SPAST: variants seen among roughly 807,000 people sequenced by gnomAD.
The protein encoded by SPAST is spastin.
A neutral mutation model predicts 76.6 loss-of-function variants in SPAST; 30 were observed. The ratio of observed to expected loss-of-function variants is 0.39; its 90% confidence interval spans 0.29 to 0.53. The LOEUF (loss-of-function observed/expected upper bound fraction) is 0.53, where lower values mean the gene tolerates loss of function less well. Among genes scored for constraint, SPAST ranks in the 20% least tolerant of loss-of-function variants. The pLI is 0.68. For synonymous variants in SPAST, 305 were observed against 281.0 expected, an observed-to-expected ratio of 1.09 and a Z score of -0.86; for missense variants, 717 against 770.5, an observed-to-expected ratio of 0.93 and a Z score of 0.82.
chr2:32,116,927 A>G (rs1308088413), intron 7 of SPAST, among the ~76,000 whole-genome samples: 1 of 152,104 alleles, frequency 6.6e-6, no homozygotes, highest in Non-Finnish European at 1.5e-5. Flanking sequence ...AGATGGCACC[A>G]CTGCACTCCA....
chr2:32,150,090 A>T (rs1382824722), intron 16 of SPAST, among the ~76,000 whole-genome samples: 2 of 139,502 alleles, frequency 1.4e-5, no homozygotes, highest in African/African-American at 5.4e-5. Context: ...TTTTTGTGAG[A>T]TGGAGTCTTG....
chr2:32,069,170 G>A (rs538252296), intron 1 of SPAST, among the ~76,000 whole-genome samples: 7 of 134,482 alleles, frequency 5.2e-5, no homozygotes, highest in African/African-American at 2.0e-4. Context: ...CCAAGATCAC[G>A]CCACTGCACG....
At chr2:32,096,946 C>CT (rs1315388757) in intron 3 of SPAST, among the ~76,000 whole-genome samples, 1 of 151,538 alleles carries the variant, frequency 6.6e-6, no homozygotes, top group African/African-American at 2.4e-5. Flanking sequence ...CCATGCAGTA[C>CT]TTTGTGTTTT....
chr2:32,094,646 G>C (rs761366634), intron 3 of SPAST, among the ~76,000 whole-genome samples: 118 of 152,184 alleles, frequency 7.8e-4, no homozygotes, highest in Non-Finnish European at 1.3e-3. Context: ...AGCTTTTACC[G>C]CCTGTGAAAT....
At chr2:32,123,286 A>G (rs1164091410) in intron 7 of SPAST, among the ~76,000 whole-genome samples, 2 of 152,050 alleles carry the variant, frequency 1.3e-5, no homozygotes, top group East Asian at 3.9e-4. Flanking sequence ...AATACCTTTC[A>G]TATTAACACT....
At chr2:32,114,578 C>T (rs1321774120) in intron 4 of SPAST, 60 bp from the exon 5 acceptor site, 3 of 1,321,534 alleles carry the variant, frequency 2.3e-6, no homozygotes, top group Non-Finnish European at 3.3e-6. Flanking sequence ...CAAATGTTTG[C>T]TTGTCTTTAT....
chr2:32,083,776 A>ATATATATATATATATATATTT (rs1553398791), intron 1 of SPAST, among the ~76,000 whole-genome samples: 1 of 46,090 alleles, frequency 2.2e-5, no homozygotes, highest in Non-Finnish European at 3.7e-5. Flanking sequence ...ATATATATAT[A>ATATATATATATATATATATTT]TTTTTTTTTT....
intron 2 of SPAST, among the ~76,000 whole-genome samples, 157 bp downstream of exon 2, chr2:32,087,735 A>G (rs1206325984): frequency 2.0e-5 from 2 of 98,922 alleles, no homozygotes; most frequent in Non-Finnish European, 3.8e-5. Context: ...TTCCTCTGTT[A>G]CCCAGGCTGG....
chr2:32,140,931 T>TTTGTTGTTG lies in SPAST; in HGVS notation c.1494-967_1494-959dup, dbSNP rs1374819622. ...TGTTTGCTCTTTTTTGGGGGCAGGT[T>TTTGTTGTTG]TTGTTGTTGTTGTTTTTTTTTTTTT... On this transcript the variant is annotated intron_variant, in intron 12 of 16. Coordinates refer to ENST00000315285, the MANE Select transcript of SPAST (RefSeq NM_014946.4). Among the ~76,000 whole-genome samples, 17 of 125,262 alleles carry TTTGTTGTTG rather than the reference T, an allele frequency of 1.4e-4. No homozygotes were observed. The Middle Eastern group carries it at 0.017, about 125-fold the overall frequency. 82.2% of individuals were successfully genotyped at this position (125,262 alleles called of 152,430 possible). A position where few individuals can be genotyped will look rare whatever the true frequency, so the allele number is the denominator to read the frequency against.
chr2:32,128,888 T>A (rs1212219277), intron 9 of SPAST: 1 of 254,374 alleles, frequency 3.9e-6, no homozygotes, highest in Non-Finnish European at 7.7e-6. Context: ...GGCTTGTAGA[T>A]GCATCCCTCC....
intron 4 of SPAST, among the ~76,000 whole-genome samples, chr2:32,103,020 G>A (rs1678186953): frequency 6.6e-6 from 1 of 152,130 alleles, no homozygotes; most frequent in South Asian, 2.1e-4. Context: ...TCTATTGATT[G>A]GAATCATTTC....
At position 32,145,017 on chromosome 2, in the gene SPAST, C is replaced by T; in HGVS notation, c.1687+10C>T. ...CTGGGTCCTATCCGAGGTAGGTATA[C>T]AAGAGCTTAAAACATTTAGAACTAT... On this transcript the variant is annotated intron_variant, in intron 15 of 16. Transcript: ENST00000315285. 1 of 1,599,928 alleles carries T rather than the reference C, an allele frequency of 6.3e-7. No individual in the cohort carries two copies. The highest frequency in any genetic ancestry group is 1.1e-5 in the South Asian group (1 of 90,240).
intron 1 of SPAST, among the ~76,000 whole-genome samples, chr2:32,084,064 CCCACCGTGCCCAG>C (rs1379679378): frequency 6.7e-6 from 1 of 150,028 alleles, no homozygotes; most frequent in Non-Finnish European, 1.5e-5. Flanking sequence ...ACAGGCATGA[CCCACCGTGCCCAG>C]CTGGAATAAG....
chr2:32,108,037 C>A (rs1364066995), intron 4 of SPAST, among the ~76,000 whole-genome samples: 1 of 151,980 alleles, frequency 6.6e-6, no homozygotes, highest in Non-Finnish European at 1.5e-5. Context: ...TAAAGTATAA[C>A]CCTTACTCAA....
At chr2:32,131,897 T>A (rs1053396938) in intron 9 of SPAST, among the ~76,000 whole-genome samples, 7 of 151,986 alleles carry the variant, frequency 4.6e-5, no homozygotes, top group Non-Finnish European at 1.0e-4. Flanking sequence ...CCTGACCTTG[T>A]GATCCGCCCG....
chr2:32,147,356 T>G (rs1171894657), intron 16 of SPAST, 98 bp downstream of exon 16: 5 of 722,134 alleles, frequency 6.9e-6, no homozygotes, highest in Admixed American at 2.9e-5. Context: ...TTTTTTTTTT[T>G]TTTTTTTTTT....
chr2:32,124,569 A>G (rs559224241), intron 7 of SPAST, among the ~76,000 whole-genome samples: 1 of 152,206 alleles, frequency 6.6e-6, no homozygotes, highest in African/African-American at 2.4e-5. Context: ...TAAAATGTAC[A>G]TCCAATAAAA....
At chr2:32,149,006 G>T (rs928841191) in intron 16 of SPAST, among the ~76,000 whole-genome samples, 1 of 151,724 alleles carries the variant, frequency 6.6e-6, no homozygotes, top group Non-Finnish European at 1.5e-5. Flanking sequence ...ACTTGTGGGG[G>T]TTTATACAAT....
intron 4 of SPAST, among the ~76,000 whole-genome samples, chr2:32,110,030 A>T (rs9677104): frequency 0.4 from 59,254 of 147,424 alleles, 12,291 homozygotes; most frequent in East Asian, 0.64. Context: ...TATAGCTGTA[A>T]ATGTATATAT....
Sources: gnomAD v4.1 joint callset for allele counts (sites outside exome capture counted in the v4.1 genomes callset) on GRCh38, gnomAD v4.1.1 for gene constraint, MANE v1.5 for transcripts, NCBI Gene and HGNC (gene_info 2026-07-23, HGNC 2026-07-21) for gene names.